Variants in TMEM45B observed in about 807,000 individuals in gnomAD.
TMEM45B encodes the protein transmembrane protein 45B.
A neutral mutation model predicts 27.3 loss-of-function variants in TMEM45B; 29 were observed. The ratio of observed to expected loss-of-function variants is 1.06; its 90% confidence interval spans 0.79 to 1.45. TMEM45B has a LOEUF of 1.45. TMEM45B is among the 40% of genes most tolerant of loss of function. The pLI is 0.00. For missense variants in TMEM45B, 348 were observed against 343.9 expected (o/e 1.01, Z -0.09); for synonymous variants, 143 against 134.7 (o/e 1.06, Z -0.43).
chr11:129,816,884 C>T (rs1423572333), intron 1 of TMEM45B, among the ~76,000 whole-genome samples: 1 of 151,218 alleles, frequency 6.6e-6, no homozygotes, highest in Non-Finnish European at 1.5e-5. Context: ...ACTACTGGCG[C>T]CCGCCACCAC....
chr11:129,847,920 G>GC lies in TMEM45B; in HGVS notation c.-8-4555_-8-4554insC, dbSNP rs1947786389. Among the ~76,000 whole-genome samples, 4 of 131,756 alleles carry GC rather than the reference G, an allele frequency of 3.0e-5. No individual in the cohort carries two copies. The South Asian group carries it at 1.0e-3, about 33-fold the overall frequency. 86.4% of individuals were successfully genotyped at this position (131,756 alleles called of 152,430 possible). On this transcript the variant is annotated intron_variant, in intron 1 of 5. Transcript: ENST00000281441. ...TTGGGTACACCTCCCAGATGGGGTG[G>GC]TGGTGGCCGGGCAGAGGGGCTCCTC...
At chr11:129,856,625 T>C (rs1371499500) in intron 4 of TMEM45B, among the ~76,000 whole-genome samples, 1 of 142,164 alleles carries the variant, frequency 7.0e-6, no homozygotes, top group East Asian at 2.2e-4. Flanking sequence ...AGTGGCGCAA[T>C]CTTGGCTCAC....
intron 3 of TMEM45B, 130 bp downstream of exon 3, chr11:129,854,946 C>A: frequency 1.9e-6 from 2 of 1,071,290 alleles, no homozygotes; most frequent in East Asian, 2.5e-5. Flanking sequence ...CTCTGGACTG[C>A]CAAAACCTGA....
intron 3 of TMEM45B, 34 bp downstream of exon 3, chr11:129,854,850 G>T (rs1218641505): frequency 3.8e-6 from 6 of 1,597,358 alleles, no homozygotes; most frequent in Non-Finnish European, 5.1e-6. Flanking sequence ...AGGAAGGAGA[G>T]CCTGACAAGT....
intron 3 of TMEM45B, among the ~76,000 whole-genome samples, chr11:129,855,335 G>T (rs570463339): frequency 6.6e-6 from 1 of 151,660 alleles, no homozygotes; most frequent in East Asian, 1.9e-4. Context: ...CACACTGACT[G>T]GGGTATGAAA....
intron 1 of TMEM45B, among the ~76,000 whole-genome samples, chr11:129,824,236 C>T (rs1313919984): frequency 6.6e-6 from 1 of 152,160 alleles, no homozygotes; most frequent in Non-Finnish European, 1.5e-5. Context: ...ATTACTGTTT[C>T]TCAATCGTCA....
At chr11:129,849,293 G>A (rs573327181) in intron 1 of TMEM45B, among the ~76,000 whole-genome samples, 2 of 152,304 alleles carry the variant, frequency 1.3e-5, no homozygotes, top group South Asian at 4.1e-4. Context: ...CAGGACAGAT[G>A]TTTCTAGTCC....
chr11:129,825,043 G>A (rs1947461650), intron 1 of TMEM45B, among the ~76,000 whole-genome samples: 1 of 152,202 alleles, frequency 6.6e-6, no homozygotes, highest in Non-Finnish European at 1.5e-5. Flanking sequence ...TCCACAGGCT[G>A]CTGGTTAGCC....
At chr11:129,847,263 G>A (rs970816035) in intron 1 of TMEM45B, among the ~76,000 whole-genome samples, 2 of 152,148 alleles carry the variant, frequency 1.3e-5, no homozygotes, top group African/African-American at 4.8e-5. Context: ...GGTAAATACC[G>A]GAGGAAACAG....
chr11:129,822,053 T>C (rs1242560858), intron 1 of TMEM45B, among the ~76,000 whole-genome samples: 5 of 152,220 alleles, frequency 3.3e-5, no homozygotes, highest in Non-Finnish European at 7.3e-5. Flanking sequence ...TCTTGTAATT[T>C]TATCTTTTTT....
chr11:129,835,763 A>G (rs1057060810), intron 1 of TMEM45B, among the ~76,000 whole-genome samples: 3 of 152,176 alleles, frequency 2.0e-5, no homozygotes, highest in Non-Finnish European at 4.4e-5. Context: ...TGGCCCTGGA[A>G]GGCAGGGCCA....
chr11:129,843,739 A>G (rs1947724871), intron 1 of TMEM45B, among the ~76,000 whole-genome samples: 1 of 152,214 alleles, frequency 6.6e-6, no homozygotes, highest in African/African-American at 2.4e-5. Context: ...TCACAATAAG[A>G]TATTACCTTA....
At chr11:129,845,520 T>C (rs568237274) in intron 1 of TMEM45B, among the ~76,000 whole-genome samples, 1 of 151,766 alleles carries the variant, frequency 6.6e-6, no homozygotes. Context: ...AGGAAAAAAA[T>C]ATATATAGCT....
chr11:129,854,107 CCCTGCAGACACGCACCTGGGAG>C (rs1267390796), intron 2 of TMEM45B, among the ~76,000 whole-genome samples: 1 of 152,186 alleles, frequency 6.6e-6, no homozygotes, highest in East Asian at 1.9e-4. Context: ...TCAAAATCAG[CCCTGCAGACACGCACCTGGGAG>C]CCGCTTCCCT....
At chr11:129,856,198 G>C (rs1229339393) in intron 4 of TMEM45B, among the ~76,000 whole-genome samples, 1 of 152,050 alleles carries the variant, frequency 6.6e-6, no homozygotes, top group Non-Finnish European at 1.5e-5. Flanking sequence ...CACTGGAAAC[G>C]TGGGCCCTGA....
chr11:129,840,473 G>A (rs1165384772), intron 1 of TMEM45B, among the ~76,000 whole-genome samples: 1 of 152,192 alleles, frequency 6.6e-6, no homozygotes, highest in Admixed American at 6.5e-5. Context: ...CATTTGCAAA[G>A]CTGGTTTTTC....
At position 129,858,699 on chromosome 11, in the gene TMEM45B, G is replaced by T. The variant is rs1240066116; in HGVS notation, c.*14G>T. 3.3e-6 allele frequency: 5 copies of T among 1,532,004 alleles called. No individual in the cohort carries two copies. In the African/African-American group the frequency reaches 6.9e-5, roughly 21 times the overall value. The allele number at this position is 1,532,004 out of a possible 1,614,324, so 94.9% of individuals were successfully genotyped here. A position where few individuals can be genotyped will look rare whatever the true frequency, so the allele number is the denominator to read the frequency against. On this transcript the variant is annotated 3_prime_UTR_variant, in exon 6 of 6. Coordinates refer to ENST00000281441, the MANE Select transcript of TMEM45B (RefSeq NM_138788.5). ...GATGAGGAATGAGCCGAGATGCGGA[G>T]GGCGCAGATGTCCCACTGCACAGCT...
intron 1 of TMEM45B, among the ~76,000 whole-genome samples, chr11:129,819,270 T>C (rs1476993082): frequency 6.6e-6 from 1 of 152,212 alleles, no homozygotes; most frequent in African/African-American, 2.4e-5. Flanking sequence ...TAGACGTTCA[T>C]TCAGCTACAA....
At chr11:129,848,635 A>G (rs1334149131) in intron 1 of TMEM45B, among the ~76,000 whole-genome samples, 1 of 152,204 alleles carries the variant, frequency 6.6e-6, no homozygotes, top group African/African-American at 2.4e-5. Flanking sequence ...GCCTGTGTCC[A>G]GGGTTGGAAT....
Sources: allele counts gnomAD v4.1 joint callset (sites outside exome capture counted in the v4.1 genomes callset), GRCh38; gene constraint gnomAD v4.1.1; transcripts MANE v1.5; gene names NCBI Gene and HGNC (gene_info 2026-07-23, HGNC 2026-07-21).